The following FNDC1 variants were observed in gnomAD, a reference collection of about 807,000 sequenced individuals.
The protein encoded by FNDC1 is fibronectin type III domain containing 1.
In FNDC1, 96 loss-of-function variants were observed where a neutral mutation model predicts 168.0. The observed-to-expected ratio is 0.57, with a 90% CI of 0.48 to 0.68. The LOEUF (loss-of-function observed/expected upper bound fraction) is 0.68. Ranked by LOEUF, FNDC1 falls within the 30% of genes least tolerant of loss-of-function variation. FNDC1 has a pLI of 0.00. For synonymous variants in FNDC1, 1,099 were observed against 1,025.9 expected, an observed-to-expected ratio of 1.07 and a Z score of -1.36; for missense variants, 2,587 against 2,482.1, an observed-to-expected ratio of 1.04 and a Z score of -0.90.
chr6:159,269,577 A>C (rs58236589), intron 22 of FNDC1, among the ~76,000 whole-genome samples: 1 of 112,620 alleles, frequency 8.9e-6, no homozygotes, highest in Non-Finnish European at 2.0e-5. Flanking sequence ...CATCTATCCT[A>C]TCTGTCTGTC....
In FNDC1 at chr6:159,223,123, G is replaced by A. The variant is rs952478565; in HGVS notation, c.767-405G>A. On this transcript the variant is annotated intron_variant, in intron 6 of 22. Coordinates refer to ENST00000297267, the MANE Select transcript of FNDC1 (RefSeq NM_032532.3). ...CCATTCTCCTGCCTCAGCCTCCCGAGTATTTGGGACTACAGGCACCCGCCA... is the reference window on the plus strand; with the variant it reads ...CCATTCTCCTGCCTCAGCCTCCCGAATATTTGGGACTACAGGCACCCGCCA... Among the ~76,000 whole-genome samples the A allele has an allele frequency of 2.6e-5, 4 of 151,332 alleles. No homozygotes were observed. The Admixed American group carries it at 2.6e-4, about 10-fold the overall frequency.
Position 159,200,099 on chromosome 6 carries a change from A to G in FNDC1, c.391+17A>G, listed in dbSNP as rs755935455. The stretch of plus-strand genomic sequence containing the variant: ...GCCCACCTGGTAAGTCCTATCTAGA[A>G]TCAGAGGCTGTAGTGTTGTTACTTA... On this transcript the variant is annotated intron_variant, in intron 3 of 22. Coordinates refer to ENST00000297267, the MANE Select transcript of FNDC1 (RefSeq NM_032532.3). The G allele has an allele frequency of 1.9e-6, 3 of 1,557,250 alleles. No homozygotes were observed. The highest frequency in any genetic ancestry group is 2.3e-5 in the South Asian group (2 of 85,552).
intron 1 of FNDC1, among the ~76,000 whole-genome samples, chr6:159,190,976 G>T (rs1432197191): frequency 6.6e-6 from 1 of 152,154 alleles, no homozygotes; most frequent in South Asian, 2.1e-4. Context: ...ATTGACTCAC[G>T]GTTCTTCAGG....
rs1782179614 is a variant in FNDC1, at chr6:159,193,411, C to A, written c.110-4020C>A. Among the ~76,000 whole-genome samples, 4 of 152,078 alleles carry A rather than the reference C, an allele frequency of 2.6e-5. No homozygotes were observed. In the South Asian group the frequency reaches 8.3e-4, roughly 32 times the overall value. ...GGTCTTCATTACTTGTAGGCATGGT[C>A]CTTGGAGACTCCTGGATTTGATCTT... On this transcript the variant is annotated intron_variant, in intron 1 of 22. Transcript: ENST00000297267.
intron 9 of FNDC1, among the ~76,000 whole-genome samples, chr6:159,229,523 T>G (rs1463052585): frequency 6.6e-6 from 1 of 152,172 alleles, no homozygotes; most frequent in Non-Finnish European, 1.5e-5. Flanking sequence ...CCCAACGGTG[T>G]GTAAATTTGG....
Position 159,233,497 on chromosome 6 carries a change from G to T in FNDC1, c.2985G>T (p.Arg995Ser), listed in dbSNP as rs569007075. ...RSQQHPSVPR[R>S]MTPGRAPQQQ... ...AGCAGCATCCCAGTGTTCCCAGAAG[G>T]ATGACACCCGGCCGGGCCCCACAAC... Residue 995 changes from arginine (R) to serine (S), a missense_variant, in exon 11 of 23, where the codon AGG becomes AGT. Arg to Ser is a moderately radical substitution (Grantham distance 110, BLOSUM62 -1). Coordinates refer to ENST00000297267, the MANE Select transcript of FNDC1 (RefSeq NM_032532.3). The surrounding 1 kb of genome is among the most constrained non-coding windows in gnomAD (Gnocchi z 4.6). 9.4e-6 allele frequency: 15 copies of T among 1,603,902 alleles called. No individual in the cohort carries two copies. Among genetic ancestry groups the T allele is most frequent in the Non-Finnish European group, 1.7e-6 (2 of 1,178,356 alleles).
intron 1 of FNDC1, among the ~76,000 whole-genome samples, chr6:159,172,714 T>C (rs1193982010): frequency 6.6e-6 from 1 of 152,220 alleles, no homozygotes; most frequent in Non-Finnish European, 1.5e-5. Flanking sequence ...TAACAAAATA[T>C]GAAAAATTCT....
chr6:159,266,312 G>T, intron 21 of FNDC1, 67 bp downstream of exon 21: 1 of 1,539,788 alleles, frequency 6.5e-7, no homozygotes, highest in Non-Finnish European at 9.0e-7. Flanking sequence ...TACAAACTTG[G>T]CACCACAGGT....
intron 22 of FNDC1, among the ~76,000 whole-genome samples, chr6:159,269,209 CT>C (rs879810424): frequency 0.059 from 6,538 of 111,482 alleles, 359 homozygotes; most frequent in Non-Finnish European, 0.062. Context: ...CTATTCATAT[CT>C]ATCTATCTAT....
intron 13 of FNDC1, 73 bp from the exon 14 acceptor site, chr6:159,239,444 A>G: frequency 3.8e-6 from 5 of 1,311,724 alleles, no homozygotes; most frequent in South Asian, 1.5e-5. Context: ...TTGAGAAGAC[A>G]CTTATTGCTT....
chr6:159,172,406 T>C (rs1781681752), intron 1 of FNDC1, among the ~76,000 whole-genome samples: 1 of 152,274 alleles, frequency 6.6e-6, no homozygotes. Context: ...ATAACTGCTA[T>C]TATTGCTTGC....
At chr6:159,223,675 T>G in intron 7 of FNDC1, 30 bp downstream of exon 7, 2 of 1,399,582 alleles carry the variant, frequency 1.4e-6, no homozygotes, top group Non-Finnish European at 2.0e-6. Context: ...TGTCTTTATA[T>G]ATGAGAGATG....
At chr6:159,207,833 A>C (rs1486608164) in intron 4 of FNDC1, among the ~76,000 whole-genome samples, 1 of 152,186 alleles carries the variant, frequency 6.6e-6, no homozygotes, top group African/African-American at 2.4e-5. Flanking sequence ...CTTTAAACTA[A>C]AACAAACAAC....
chr6:159,212,518 T>A (rs563266327), intron 4 of FNDC1, among the ~76,000 whole-genome samples: 1 of 152,134 alleles, frequency 6.6e-6, no homozygotes, highest in Non-Finnish European at 1.5e-5. Flanking sequence ...AGAAAGGAAA[T>A]TTTCAAAATA....
At chr6:159,185,632 A>G (rs535172999) in intron 1 of FNDC1, among the ~76,000 whole-genome samples, 2 of 152,334 alleles carry the variant, frequency 1.3e-5, no homozygotes, top group Non-Finnish European at 2.9e-5. Flanking sequence ...CAGCTGCATC[A>G]CCAGGTATCA....
chr6:159,267,214 G>GTC (rs35049380), intron 21 of FNDC1, among the ~76,000 whole-genome samples: 6,004 of 150,268 alleles, frequency 0.04, 136 homozygotes, highest in Non-Finnish European at 0.058. Flanking sequence ...AGTACGGTCT[G>GTC]TCTCTCTCTC....
chr6:159,244,466 G>C (rs2115006738), intron 14 of FNDC1, among the ~76,000 whole-genome samples: 1 of 152,340 alleles, frequency 6.6e-6, no homozygotes, highest in East Asian at 1.9e-4. Flanking sequence ...CAGAATAGGA[G>C]CTGGGGGCTT....
At chr6:159,269,502 C>CTAACTATCTATCGATCCATCCATG (rs1562316098) in intron 22 of FNDC1, among the ~76,000 whole-genome samples, 1 of 92,438 alleles carries the variant, frequency 1.1e-5, no homozygotes, top group African/African-American at 3.4e-5. Flanking sequence ...ATCTATCTAT[C>CTAACTATCTATCGATCCATCCATG]CATCCATCCA....
At chr6:159,194,893 C>T (rs1211138413) in intron 1 of FNDC1, among the ~76,000 whole-genome samples, 1 of 152,048 alleles carries the variant, frequency 6.6e-6, no homozygotes, top group African/African-American at 2.4e-5. Context: ...GTCCAGTTCT[C>T]TCTGAGTTAG....
Sources: allele counts gnomAD v4.1 joint callset (sites outside exome capture counted in the v4.1 genomes callset), GRCh38; gene constraint gnomAD v4.1.1; non-coding constraint Gnocchi (gnomAD v3.1); transcripts MANE v1.5; gene names NCBI Gene and HGNC (gene_info 2026-07-23, HGNC 2026-07-21).